METTL15: variants seen among roughly 807,000 people sequenced by gnomAD.
METTL15 encodes the protein 12S rRNA N(4)-cytidine methyltransferase METTL15.
A neutral mutation model predicts 38.3 loss-of-function variants in METTL15; 34 were observed. The ratio of observed to expected loss-of-function variants is 0.89; its 90% CI spans 0.68 to 1.18. METTL15 has a LOEUF of 1.18. METTL15 is among the 50% of genes most tolerant of loss of function. The pLI, the probability that METTL15 is intolerant of heterozygous loss-of-function variation, is 0.00. For missense variants in METTL15, 438 were observed against 498.4 expected, an observed-to-expected ratio of 0.88 and a Z score of 1.15; for synonymous variants, 162 against 170.9, an observed-to-expected ratio of 0.95 and a Z score of 0.41.
intron 6 of METTL15, among the ~76,000 whole-genome samples, chr11:28,327,225 CT>C (rs1440377352): frequency 2.0e-5 from 3 of 152,168 alleles, no homozygotes; most frequent in Non-Finnish European, 4.4e-5. Context: ...CTAGAAACGT[CT>C]TCCAGGAAAT....
intron 3 of METTL15, among the ~76,000 whole-genome samples, chr11:28,142,254 AGGG>A (rs1849725067): frequency 6.6e-6 from 1 of 152,230 alleles, no homozygotes; most frequent in African/African-American, 2.4e-5. Flanking sequence ...TAGATAGAAA[AGGG>A]CCAAAGAAAA....
chr11:28,497,091 A>C (rs147268781), intron 6 of METTL15, among the ~76,000 whole-genome samples: 36 of 152,342 alleles, frequency 2.4e-4, no homozygotes, highest in Non-Finnish European at 4.9e-4. Context: ...CTGACTTAAC[A>C]ACTGGGGAAT....
chr11:28,207,530 T>G (rs910086419), intron 3 of METTL15, among the ~76,000 whole-genome samples: 1 of 152,196 alleles, frequency 6.6e-6, no homozygotes, highest in Non-Finnish European at 1.5e-5. Context: ...ATTGAGGATT[T>G]TTGCATCAGG....
chr11:28,499,427 A>AT (rs1428002587), intron 6 of METTL15, among the ~76,000 whole-genome samples: 1 of 152,210 alleles, frequency 6.6e-6, no homozygotes, highest in Non-Finnish European at 1.5e-5. Flanking sequence ...CTAAATAAAT[A>AT]TATTAGATAT....
chr11:28,197,594 G>C (rs777754868), intron 3 of METTL15: 5 of 390,062 alleles, frequency 1.3e-5, no homozygotes, highest in Non-Finnish European at 2.1e-5. Flanking sequence ...GTATAGTATG[G>C]CCTTTTCTAC....
intron 6 of METTL15, among the ~76,000 whole-genome samples, chr11:28,433,172 GT>G (rs72444156): frequency 2.5e-4 from 19 of 77,186 alleles, no homozygotes; most frequent in Non-Finnish European, 5.1e-4. Flanking sequence ...TGTTTTTTTT[GT>G]TTTTTTTTGG....
At chr11:28,397,593 G>T (rs1340880726) in intron 5 of METTL15, among the ~76,000 whole-genome samples, 1 of 151,762 alleles carries the variant, frequency 6.6e-6, no homozygotes, top group Non-Finnish European at 1.5e-5. Context: ...GAAACAACAG[G>T]TGCTGGAGAG....
chr11:28,170,768 G>C (rs1404655261), intron 3 of METTL15, among the ~76,000 whole-genome samples: 1 of 152,112 alleles, frequency 6.6e-6, no homozygotes, highest in Non-Finnish European at 1.5e-5. Context: ...GAGGACCAGA[G>C]GTCATTTTCA....
intron 5 of METTL15, among the ~76,000 whole-genome samples, chr11:28,292,305 G>A (rs1215073687): frequency 6.8e-6 from 1 of 148,024 alleles, no homozygotes; most frequent in Non-Finnish European, 1.5e-5. Context: ...GAGAACATGT[G>A]GTGTTTGGTT....
intron 6 of METTL15, among the ~76,000 whole-genome samples, chr11:28,483,248 C>T (rs944238432): frequency 2.6e-5 from 4 of 152,144 alleles, no homozygotes; most frequent in Non-Finnish European, 5.9e-5. Flanking sequence ...CAGAAGACAG[C>T]CAGCGTATCT....
At chr11:28,262,459 T>TTA (rs1340878833) in intron 4 of METTL15, among the ~76,000 whole-genome samples, 1 of 151,696 alleles carries the variant, frequency 6.6e-6, no homozygotes, top group African/African-American at 2.4e-5. Flanking sequence ...CTACATAGTC[T>TTA]TATATATATG....
chr11:28,393,054 A>G (rs1047740922), intron 5 of METTL15, among the ~76,000 whole-genome samples: 1 of 152,144 alleles, frequency 6.6e-6, no homozygotes, highest in Non-Finnish European at 1.5e-5. Flanking sequence ...AGAAATTGGA[A>G]TGCCTGTGCA....
In METTL15 at chr11:28,290,976, A is replaced by G. The variant is rs757155011; in HGVS notation, c.599+579A>G. Among the ~76,000 whole-genome samples, 4 of 151,998 alleles carry G rather than the reference A, an allele frequency of 2.6e-5. No homozygotes were observed. In the South Asian group the frequency reaches 6.2e-4, roughly 24 times the overall value. ...CCTCTTCCTGGAAATACTAGCATTT[A>G]TTCTCCATTATTCAAATAGATTAGA... On this transcript the variant is annotated intron_variant, in intron 5 of 6. Coordinates refer to ENST00000407364, the MANE Select transcript of METTL15 (RefSeq NM_001113528.2).
chr11:28,210,128 C>G (rs1852565508), intron 3 of METTL15, among the ~76,000 whole-genome samples: 1 of 151,928 alleles, frequency 6.6e-6, no homozygotes, highest in Admixed American at 6.6e-5. Flanking sequence ...CGTGACTATT[C>G]TCTTTAGAGT....
chr11:28,115,256 C>G (rs779149649), intron 3 of METTL15, among the ~76,000 whole-genome samples: 8 of 151,578 alleles, frequency 5.3e-5, no homozygotes, highest in Admixed American at 2.6e-4. Context: ...CTTTTTCTTT[C>G]TCGTTTTCTT....
chr11:28,491,287 T>G (rs2007527), intron 6 of METTL15, among the ~76,000 whole-genome samples: 62,635 of 152,006 alleles, frequency 0.41, 14,452 homozygotes, highest in Admixed American at 0.53. Flanking sequence ...GAATTAAATA[T>G]TTAATGCTTA....
chr11:28,512,890 C>G (rs552659239), intron 6 of METTL15, among the ~76,000 whole-genome samples: 1 of 152,170 alleles, frequency 6.6e-6, no homozygotes, highest in African/African-American at 2.4e-5. Flanking sequence ...CATGCTGTCA[C>G]CTCTCACTAT....
chr11:28,442,821 A>G (rs1383003120), intron 6 of METTL15, among the ~76,000 whole-genome samples: 3 of 152,202 alleles, frequency 2.0e-5, no homozygotes, highest in Admixed American at 2.0e-4. Flanking sequence ...TACCTTTACA[A>G]TTCAAAGAAG....
chr11:28,250,308 C>T (rs1360164566), intron 4 of METTL15, among the ~76,000 whole-genome samples: 3 of 151,996 alleles, frequency 2.0e-5, no homozygotes, highest in Admixed American at 2.0e-4. Context: ...AACTCCTTTC[C>T]ACAATGGCTA....
Sources: gnomAD v4.1 joint callset for allele counts (sites outside exome capture counted in the v4.1 genomes callset) on GRCh38, gnomAD v4.1.1 for gene constraint, MANE v1.5 for transcripts, NCBI Gene and HGNC (gene_info 2026-07-23, HGNC 2026-07-21) for gene names.